The following HNRNPLL variants were observed in gnomAD, a reference collection of about 807,000 sequenced individuals.
HNRNPLL encodes the protein heterogeneous nuclear ribonucleoprotein L-like.
HNRNPLL carries 25 observed loss-of-function variants against 67.1 expected under a neutral mutation model. The observed-to-expected ratio is 0.37, with a 90% CI of 0.27 to 0.52. The LOEUF is 0.52. HNRNPLL is among the 20% of genes least tolerant of loss of function. The pLI is 0.90. For missense variants in HNRNPLL, 542 were observed against 673.9 expected (o/e 0.80, Z 2.17); for synonymous variants, 267 against 241.7 (o/e 1.10, Z -0.97).
At chr2:38,564,268 A>T (rs748010257) in intron 12 of HNRNPLL, 31 bp from the exon 13 acceptor site, 1 of 1,177,886 alleles carries the variant, frequency 8.5e-7, no homozygotes, top group Non-Finnish European at 1.3e-6. Context: ...TTAATATTTC[A>T]CTTCATCAAA....
chr2:38,593,186 C>G (rs1667030220), intron 1 of HNRNPLL, among the ~76,000 whole-genome samples: 1 of 152,222 alleles, frequency 6.6e-6, no homozygotes, highest in African/African-American at 2.4e-5. Context: ...TTACATGCCA[C>G]TAAGTTTGAA....
At chr2:38,581,184 AT>A (rs1240057763) in intron 6 of HNRNPLL, 1 of 152,236 alleles carries the variant, frequency 6.6e-6, no homozygotes, top group Non-Finnish European at 1.5e-5. Flanking sequence ...AACAATTTGA[AT>A]CTAAGCTGCA....
chr2:38,586,703 C>T lies in HNRNPLL; in HGVS notation c.309-822G>A, dbSNP rs140902761. On this transcript the variant is annotated intron_variant, in intron 2 of 12. Transcript: ENST00000449105. ...AAGTTCCAAAGTTCATATAAATAAT[C>T]TCCTCCAAAACATTTTAATACTAAC... 1.6e-4 allele frequency among the ~76,000 whole-genome samples: 25 copies of T among 152,264 alleles called. No homozygotes were observed. The East Asian group carries it at 4.6e-3, about 28-fold the overall frequency.
intron 12 of HNRNPLL, among the ~76,000 whole-genome samples, chr2:38,566,573 G>A (rs1240667209): frequency 2.0e-5 from 3 of 151,796 alleles, no homozygotes; most frequent in Admixed American, 6.6e-5. Flanking sequence ...CATATATCAC[G>A]GTTGGTAACG....
At chr2:38,600,831 A>C (rs1207978109) in intron 1 of HNRNPLL, among the ~76,000 whole-genome samples, 1 of 152,092 alleles carries the variant, frequency 6.6e-6, no homozygotes, top group African/African-American at 2.4e-5. Context: ...ACCGCTCCAC[A>C]CATTTCGCTT....
intron 1 of HNRNPLL, 128 bp from the exon 2 acceptor site, chr2:38,591,776 G>C (rs1181248606): frequency 5.6e-6 from 3 of 532,486 alleles, no homozygotes; most frequent in African/African-American, 3.9e-5. Flanking sequence ...AGGAGTTCGA[G>C]ACCAGCCTGG....
At chr2:38,592,086 AGTTAG>A (rs1666982122) in intron 1 of HNRNPLL, among the ~76,000 whole-genome samples, 1 of 152,256 alleles carries the variant, frequency 6.6e-6, no homozygotes, top group Non-Finnish European at 1.5e-5. Flanking sequence ...GCAATTCACA[AGTTAG>A]CAAAAGGATA....
chr2:38,592,288 A>G (rs567708126), intron 1 of HNRNPLL, among the ~76,000 whole-genome samples: 1 of 152,328 alleles, frequency 6.6e-6, no homozygotes, highest in Non-Finnish European at 1.5e-5. Context: ...TAACCTCCAT[A>G]AAATCAAAAT....
Position 38,569,924 on chromosome 2 carries a change from A to G in HNRNPLL, c.1094T>C (p.Val365Ala). Residue 365 changes from valine (V) to alanine (A), a missense_variant and splice_region_variant, in exon 9 of 13, where the codon GTA becomes GCA. Coordinates refer to ENST00000449105, the MANE Select transcript of HNRNPLL (RefSeq NM_138394.4). ...ACCAGGAATGGTCTTCATAAATTTT[A>G]CCTGTAAACACAAAATTCCAAAAAG... Reference protein sequence around the residue: ...LFCLYGNIEKVKFMKTIPGTA... With the variant: ...LFCLYGNIEKAKFMKTIPGTA... 1 of 1,572,928 alleles carries G rather than the reference A, an allele frequency of 6.4e-7. No individual in the cohort carries two copies. The highest frequency in any genetic ancestry group is 8.6e-7 in the Non-Finnish European group (1 of 1,163,024).
rs1377412057 is a variant in HNRNPLL, at chr2:38,568,490, T to A, written c.1417-47A>T. The stretch of plus-strand genomic sequence containing the variant: ...CATTAAAAATATAGCCAAAATAATA[T>A]CCCACTTTTTTACAGAAAGTAAACT... On this transcript the variant is annotated intron_variant, in intron 10 of 12. Coordinates refer to ENST00000449105, the MANE Select transcript of HNRNPLL (RefSeq NM_138394.4). The A allele has an allele frequency of 5.6e-6, 7 of 1,251,954 alleles. No homozygotes were observed. The East Asian group carries it at 1.7e-4, about 30-fold the overall frequency. 77.6% of individuals were successfully genotyped at this position (1,251,954 alleles called of 1,614,324 possible). A position where few individuals can be genotyped will look rare whatever the true frequency, so the allele number is the denominator to read the frequency against.
chr2:38,566,368 A>G (rs1251787404), intron 12 of HNRNPLL, among the ~76,000 whole-genome samples: 2 of 132,566 alleles, frequency 1.5e-5, no homozygotes, highest in African/African-American at 3.4e-5. Context: ...ACTCGTCTCA[A>G]AAAAAAAAAA....
chr2:38,567,030 T>C (rs908595013), intron 12 of HNRNPLL, among the ~76,000 whole-genome samples: 1 of 152,082 alleles, frequency 6.6e-6, no homozygotes, highest in Non-Finnish European at 1.5e-5. Flanking sequence ...TGTGGCAATA[T>C]AGAAATAGCT....
At chr2:38,567,427 A>G (rs917174728) in intron 12 of HNRNPLL, among the ~76,000 whole-genome samples, 8 of 152,306 alleles carry the variant, frequency 5.3e-5, no homozygotes, top group African/African-American at 1.9e-4. Context: ...AGTTTTAAAA[A>G]TATATGTAAT....
chr2:38,569,275 C>G lies in HNRNPLL; in HGVS notation c.1274G>C (p.Ser425Thr). ...SQIFELEDGT[S>T]SYKDFAMSKN... is the part of the protein sequence containing the mutation. ...GCTCATTGCAAAATCTTTGTAGCTG[C>G]TGGTACCATCCTCCAGCTCAAATAT... The change falls in exon 10 of 13, where the codon AGC (serine) becomes ACC (threonine). Residue 425 changes from serine to threonine, a missense_variant. Ser to Thr is a moderately conservative substitution (Grantham distance 58, BLOSUM62 1). This residue lies in a region of HNRNPLL where 415 missense variants were observed against 575.2 expected (regional missense o/e 0.72). Transcript: ENST00000449105. 2 of 1,613,094 alleles carry G rather than the reference C, an allele frequency of 1.2e-6. No homozygotes were observed. Among genetic ancestry groups the G allele is most frequent in the Non-Finnish European group, 1.7e-6 (2 of 1,179,326 alleles).
intron 2 of HNRNPLL, among the ~76,000 whole-genome samples, chr2:38,588,564 AAAAGG>A (rs1413855176): frequency 6.7e-6 from 1 of 149,506 alleles, no homozygotes; most frequent in African/African-American, 2.5e-5. Context: ...AAAAAAAAAA[AAAAGG>A]GTGAGCTAAA....
intron 2 of HNRNPLL, among the ~76,000 whole-genome samples, chr2:38,586,275 C>T (rs1035088022): frequency 4.6e-5 from 7 of 152,154 alleles, no homozygotes; most frequent in Admixed American, 1.3e-4. Context: ...CCCACCTCGG[C>T]CTCCCAAAGT....
At chr2:38,590,302 T>C (rs1372311177) in intron 2 of HNRNPLL, among the ~76,000 whole-genome samples, 1 of 152,226 alleles carries the variant, frequency 6.6e-6, no homozygotes, top group Non-Finnish European at 1.5e-5. Flanking sequence ...CTCTGATCAC[T>C]ACCTCATTAT....
rs149181866 is a variant in HNRNPLL, at chr2:38,576,205, T to C, written c.874+1256A>G. On this transcript the variant is annotated intron_variant, in intron 7 of 12. Coordinates refer to ENST00000449105, the MANE Select transcript of HNRNPLL (RefSeq NM_138394.4). ...TCATTTATTCTTTCACAGATTTTTC[T>C]AATCCACTTTGGCAAAATATTTAAC... 4.6e-4 allele frequency among the ~76,000 whole-genome samples: 70 copies of C among 151,984 alleles called. 3 individuals carry two copies. The East Asian group carries it at 0.013, about 29-fold the overall frequency.
chr2:38,602,513 T>C lies in HNRNPLL; in HGVS notation c.114A>G (p.Glu38=), dbSNP rs550898281. ...GCGTCGCTTCCCGGCGGTTCTCGCCTTCCTCGGCCGAGTAGTCGATCTCCC... is the reference window on the plus strand; with the variant it reads ...GCGTCGCTTCCCGGCGGTTCTCGCCCTCCTCGGCCGAGTAGTCGATCTCCC... ...EEGEIDYSAE[E]GENRREATPR... is the part of the protein sequence containing the mutation. Residue 38 remains glutamate (E), a synonymous_variant, in exon 1 of 13, where the codon GAA becomes GAG. Coordinates refer to ENST00000449105, the MANE Select transcript of HNRNPLL (RefSeq NM_138394.4). The C allele has an allele frequency of 2.4e-4, 370 of 1,550,794 alleles. 3 individuals are homozygous for C. The East Asian group carries it at 8.8e-3, about 37-fold the overall frequency.
Sources: gnomAD v4.1 joint callset for allele counts (sites outside exome capture counted in the v4.1 genomes callset) on GRCh38, gnomAD v4.1.1 for gene constraint, gnomAD v4.1.1 regional missense constraint, MANE v1.5 for transcripts, NCBI Gene and HGNC (gene_info 2026-07-23, HGNC 2026-07-21) for gene names.